RPS6KA2: variants seen among roughly 807,000 people sequenced by gnomAD.
RPS6KA2 encodes ribosomal protein S6 kinase A2, also known as ribosomal protein S6 kinase alpha-2.
In RPS6KA2, 42 loss-of-function variants were observed where a neutral mutation model predicts 91.8. The ratio of observed to expected loss-of-function variants is 0.46; its 90% CI spans 0.36 to 0.59. The LOEUF (loss-of-function observed/expected upper bound fraction) is 0.59. Ranked by LOEUF, RPS6KA2 falls within the 20% of genes least tolerant of loss-of-function variation. The pLI is 0.00. For synonymous variants in RPS6KA2, 414 were observed against 393.6 expected (o/e 1.05, Z -0.61); for missense variants, 798 against 978.5 (o/e 0.82, Z 2.46).
At position 166,855,427 on chromosome 6, in the gene RPS6KA2, G is replaced by A. The variant is rs561195666; in HGVS notation, c.123+2773C>T. Among the ~76,000 whole-genome samples, 9 of 88,262 alleles carry A rather than the reference G, an allele frequency of 1.0e-4. No individual in the cohort carries two copies. The South Asian group carries it at 3.7e-3, about 36-fold the overall frequency. 57.9% of individuals were successfully genotyped at this position (88,262 alleles called of 152,430 possible). On this transcript the variant is annotated intron_variant, in intron 2 of 21. Coordinates refer to the RPS6KA2 transcript ENST00000503859. ...GGAGGAAGAGGAGGAGGAAGAAGAA[G>A]AGGAAGAAGAGGAAGAAGAAGAGGA...
intron 2 of RPS6KA2, among the ~76,000 whole-genome samples, chr6:166,680,831 C>T (rs762686564): frequency 3.9e-5 from 6 of 152,202 alleles, no homozygotes; most frequent in Non-Finnish European, 8.8e-5. Flanking sequence ...ACCGAGAACC[C>T]ACCAATTCTG....
intron 2 of RPS6KA2, among the ~76,000 whole-genome samples, chr6:166,729,744 A>C (rs918367200): frequency 6.6e-6 from 1 of 152,248 alleles, no homozygotes; most frequent in African/African-American, 2.4e-5. Context: ...GTTCAATGCA[A>C]CCAAGAAACT....
intron 1 of RPS6KA2, among the ~76,000 whole-genome samples, chr6:166,599,810 T>C (rs561904362): frequency 1.3e-5 from 2 of 152,270 alleles, no homozygotes; most frequent in South Asian, 2.1e-4. Flanking sequence ...CAGGCTTCTG[T>C]GTGCATCTTC....
At chr6:166,489,154 A>T (rs1245695080) in intron 9 of RPS6KA2, among the ~76,000 whole-genome samples, 3 of 152,176 alleles carry the variant, frequency 2.0e-5, no homozygotes, top group Non-Finnish European at 4.4e-5. Flanking sequence ...TAAAGTGAGA[A>T]ATTTGTATAA....
chr6:166,500,506 C>T lies in RPS6KA2; in HGVS notation c.604+381G>A, dbSNP rs1467916645. ...CTCCAGCGAGACTCCAGATGTCTGC[C>T]CTCAGGTTGGCACTGGGCATCTGCA... On this transcript the variant is annotated intron_variant, in intron 7 of 20. Coordinates refer to ENST00000265678, the MANE Select transcript of RPS6KA2 (RefSeq NM_021135.6). The surrounding 1 kb of genome is among the most constrained non-coding windows in gnomAD (Gnocchi z 4.3). 3.9e-5 allele frequency among the ~76,000 whole-genome samples: 6 copies of T among 151,926 alleles called. No individual in the cohort carries two copies. The highest frequency in any genetic ancestry group is 5.9e-5 in the Non-Finnish European group (4 of 67,984).
rs201784885 is a variant in RPS6KA2 at position 166,800,855 on chromosome 6, GT to G, written c.123+57344del. On this transcript the variant is annotated intron_variant, in intron 2 of 21. Transcript: ENST00000503859. ...CAGGCACTGGAAATATATGCCTTTGGTTTTCCCTGTAATTGCAAAGAAAATT... is the reference window on the plus strand; with the variant it reads ...CAGGCACTGGAAATATATGCCTTTGGTTTCCCTGTAATTGCAAAGAAAATT... 3.1e-4 allele frequency among the ~76,000 whole-genome samples: 47 copies of G among 152,250 alleles called. No individual in the cohort carries two copies. The East Asian group carries it at 9.1e-3, about 29-fold the overall frequency.
rs573048707 is a variant in RPS6KA2 at position 166,666,100 on chromosome 6, C to T, written c.124-127316G>A. Among the ~76,000 whole-genome samples, 26 of 152,292 alleles carry T rather than the reference C, an allele frequency of 1.7e-4. No homozygotes were observed. The highest frequency in any genetic ancestry group is 3.1e-4 in the Non-Finnish European group (21 of 68,020). On this transcript the variant is annotated intron_variant, in intron 2 of 21. Coordinates refer to the RPS6KA2 transcript ENST00000503859. This position sits in a 1 kb window ranked among gnomAD's most constrained non-coding sequence, Gnocchi z 4.0. ...CCAATCTTCTCCCAGCTGATTGATC[C>T]GCAAATGATGGCAGGAAAAAGCTGA...
At chr6:166,476,839 G>C (rs926272788) in intron 10 of RPS6KA2, among the ~76,000 whole-genome samples, 12 of 152,146 alleles carry the variant, frequency 7.9e-5, no homozygotes, top group African/African-American at 2.9e-4. Flanking sequence ...CTGGCATTGA[G>C]AGCTCTTATC....
At chr6:166,674,402 A>G (rs1023361719) in intron 2 of RPS6KA2, among the ~76,000 whole-genome samples, 1 of 152,068 alleles carries the variant, frequency 6.6e-6, no homozygotes, top group African/African-American at 2.4e-5. Flanking sequence ...ACCACGCTAA[A>G]CCGTGGGACT....
At chr6:166,422,395 C>T (rs774077158) in intron 17 of RPS6KA2, among the ~76,000 whole-genome samples, 17 of 152,118 alleles carry the variant, frequency 1.1e-4, no homozygotes, top group Admixed American at 2.6e-4. Context: ...AGATGCCAGG[C>T]GCCTCAGACC....
intron 2 of RPS6KA2, among the ~76,000 whole-genome samples, chr6:166,740,970 C>A (rs879181997): frequency 6.6e-6 from 1 of 152,208 alleles, no homozygotes; most frequent in African/African-American, 2.4e-5. Flanking sequence ...ACTGGAAATG[C>A]GCGTATGTCA....
intron 12 of RPS6KA2, among the ~76,000 whole-genome samples, chr6:166,458,081 C>A (rs2128459218): frequency 6.6e-6 from 1 of 152,232 alleles, no homozygotes; most frequent in Non-Finnish European, 1.5e-5. Context: ...ATGTCCTTCC[C>A]AAATTCAAAT....
intron 2 of RPS6KA2, among the ~76,000 whole-genome samples, chr6:166,809,680 G>A (rs993371332): frequency 1.3e-5 from 2 of 152,198 alleles, no homozygotes; most frequent in Non-Finnish European, 2.9e-5. Flanking sequence ...TAGGATGCTG[G>A]GTGGTACCAG....
chr6:166,617,808 C>T (rs1439109900), intron 1 of RPS6KA2, among the ~76,000 whole-genome samples: 2 of 152,246 alleles, frequency 1.3e-5, no homozygotes, highest in African/African-American at 4.8e-5. Context: ...GGCAACGGTC[C>T]CGCAACAGCC....
In RPS6KA2 at chr6:166,627,036, C is replaced by T. The variant is rs751545831; in HGVS notation, c.-17G>A. On this transcript the variant is annotated 5_prime_UTR_variant, in exon 1 of 21. Coordinates refer to ENST00000265678, the MANE Select transcript of RPS6KA2 (RefSeq NM_021135.6). Reference sequence around the variant, plus strand: ...CAGGTCCATCGCCCCGCGCCCAGCCCGGAGCAGCCGCAGGGCCGGGGGACG... The same window carrying T: ...CAGGTCCATCGCCCCGCGCCCAGCCTGGAGCAGCCGCAGGGCCGGGGGACG... The T allele has an allele frequency of 9.1e-6, 13 of 1,431,918 alleles. No homozygotes were observed. In the East Asian group the frequency reaches 1.5e-4, roughly 16 times the overall value. The allele number at this position is 1,431,918 out of a possible 1,614,324, so 88.7% of individuals were successfully genotyped here. A position where few individuals can be genotyped will look rare whatever the true frequency, so the allele number is the denominator to read the frequency against.
At chr6:166,417,762 G>C (rs1243271081) in intron 19 of RPS6KA2, among the ~76,000 whole-genome samples, 1 of 152,006 alleles carries the variant, frequency 6.6e-6, no homozygotes, top group African/African-American at 2.4e-5. Context: ...TAGATGAAAG[G>C]CTTAAAAGAT....
chr6:166,489,026 GC>G, intron 9 of RPS6KA2, 105 bp from the exon 10 acceptor site: 3 of 921,366 alleles, frequency 3.3e-6, no homozygotes, highest in Non-Finnish European at 5.1e-6. Flanking sequence ...GTCACCCAGA[GC>G]AGCCCGTGCT....
At chr6:166,699,110 A>G (rs1789435971) in intron 2 of RPS6KA2, among the ~76,000 whole-genome samples, 1 of 152,036 alleles carries the variant, frequency 6.6e-6, no homozygotes, top group African/African-American at 2.4e-5. Flanking sequence ...GTAGATGACA[A>G]CTAAGAGGAG....
chr6:166,457,725 C>G (rs766486874), intron 12 of RPS6KA2, among the ~76,000 whole-genome samples: 3 of 152,140 alleles, frequency 2.0e-5, no homozygotes, highest in Non-Finnish European at 2.9e-5. Context: ...AGCCCCGCAA[C>G]CCTCCCTATC....
Sources: gnomAD v4.1 joint callset for allele counts (sites outside exome capture counted in the v4.1 genomes callset) on GRCh38, gnomAD v4.1.1 for gene constraint, Gnocchi (gnomAD v3.1) non-coding constraint, MANE v1.5 for transcripts, NCBI Gene and HGNC (gene_info 2026-07-23, HGNC 2026-07-21) for gene names.